Variants in RAP1A observed in about 807,000 individuals in gnomAD.
The protein encoded by RAP1A is RAP1A, member of RAS oncogene family.
Under a neutral mutation model 26.4 loss-of-function variants are expected in RAP1A, and 6 were observed. The ratio of observed to expected loss-of-function variants is 0.23; its 90% CI spans 0.12 to 0.45. The LOEUF is 0.45. Among genes scored for constraint, RAP1A ranks in the 20% least tolerant of loss-of-function variants. The pLI is 0.99. For missense variants in RAP1A, 121 were observed against 217.2 expected (o/e 0.56, Z 2.78); for synonymous variants, 73 against 79.4 (o/e 0.92, Z 0.43).
chr1:111,665,401 T>C (rs1660772470), intron 1 of RAP1A, among the ~76,000 whole-genome samples: 1 of 152,186 alleles, frequency 6.6e-6, no homozygotes, highest in Admixed American at 6.5e-5. Context: ...GATTCCAGAA[T>C]TGATAAACTT....
chr1:111,693,124 G>A (rs1430395427), intron 2 of RAP1A, among the ~76,000 whole-genome samples: 2 of 152,168 alleles, frequency 1.3e-5, no homozygotes, highest in East Asian at 1.9e-4. Flanking sequence ...AGAAGAAGGT[G>A]TCTTTACTTG....
chr1:111,546,879 T>C (rs1189033481), intron 1 of RAP1A, among the ~76,000 whole-genome samples: 1 of 152,220 alleles, frequency 6.6e-6, no homozygotes, highest in Non-Finnish European at 1.5e-5. Context: ...CCAGTTTACA[T>C]TCCTACTAGC....
intron 1 of RAP1A, among the ~76,000 whole-genome samples, chr1:111,677,206 A>T (rs1353458687): frequency 6.6e-6 from 1 of 152,220 alleles, no homozygotes; most frequent in Non-Finnish European, 1.5e-5. Flanking sequence ...CATTCCTTAC[A>T]TTCATTACTG....
At chr1:111,589,661 T>A (rs1264689587) in intron 1 of RAP1A, among the ~76,000 whole-genome samples, 1 of 152,220 alleles carries the variant, frequency 6.6e-6, no homozygotes, top group Non-Finnish European at 1.5e-5. Flanking sequence ...CTGATTCCTT[T>A]CAGAGAGATT....
At chr1:111,644,827 G>T (rs569886419) in intron 1 of RAP1A, among the ~76,000 whole-genome samples, 1 of 152,192 alleles carries the variant, frequency 6.6e-6, no homozygotes, top group East Asian at 1.9e-4. Flanking sequence ...TTGAAATTTT[G>T]GGGCCACATA....
At chr1:111,547,999 G>C (rs1271280613) in intron 1 of RAP1A, among the ~76,000 whole-genome samples, 2 of 152,130 alleles carry the variant, frequency 1.3e-5, no homozygotes, top group Admixed American at 6.6e-5. Context: ...GCTTTGACTG[G>C]ACCACTTTTT....
intron 1 of RAP1A, among the ~76,000 whole-genome samples, chr1:111,564,318 T>G (rs1448419145): frequency 6.6e-6 from 1 of 152,094 alleles, no homozygotes; most frequent in African/African-American, 2.4e-5. Flanking sequence ...CAATAAATAT[T>G]TATCAAGCAC....
intron 1 of RAP1A, among the ~76,000 whole-genome samples, chr1:111,606,604 G>A (rs1658784701): frequency 6.6e-6 from 1 of 152,148 alleles, no homozygotes; most frequent in African/African-American, 2.4e-5. Context: ...GCACCATACA[G>A]GGAGTCTGCA....
rs143627323 is a variant in RAP1A, at chr1:111,560,872, A to G, written c.-28+18363A>G. Among the ~76,000 whole-genome samples, 702 of 152,276 alleles carry G rather than the reference A, an allele frequency of 4.6e-3. 9 individuals are homozygous for G. Among genetic ancestry groups the G allele is most frequent in the Non-Finnish European group, 5.3e-3 (359 of 68,014 alleles). On this transcript the variant is annotated intron_variant, in intron 1 of 7. Coordinates refer to the RAP1A transcript ENST00000356415. ...CTCTCCATCCTCCCAAATCCTTGCC[A>G]GGCCTTTCCTCTTGCTTCAGGACCT...
At chr1:111,609,180 T>G (rs1251893358) in intron 1 of RAP1A, among the ~76,000 whole-genome samples, 1 of 152,180 alleles carries the variant, frequency 6.6e-6, no homozygotes, top group African/African-American at 2.4e-5. Context: ...TTCAGATGTC[T>G]GTCAACGATG....
At chr1:111,696,093 A>C (rs1661819182) in intron 3 of RAP1A, among the ~76,000 whole-genome samples, 1 of 152,138 alleles carries the variant, frequency 6.6e-6, no homozygotes, top group Admixed American at 6.6e-5. Flanking sequence ...GCTCTAATAA[A>C]GTCTATTTAA....
Position 111,712,824 on chromosome 1 carries a change from T to G in RAP1A, c.*423T>G, listed in dbSNP as rs1387684911. ...ACTTTATATCTGTAATGATACTGAT[T>G]ATGAAATGTCCCCTCAAACTCATTG... On this transcript the variant is annotated 3_prime_UTR_variant, in exon 8 of 8. Transcript: ENST00000369709. The G allele has an allele frequency of 2.6e-5, 4 of 152,532 alleles. No homozygotes were observed. The highest frequency in any genetic ancestry group is 6.5e-5 in the Admixed American group (1 of 15,282). 9.4% of individuals were successfully genotyped at this position (152,532 alleles called of 1,614,324 possible).
intron 1 of RAP1A, among the ~76,000 whole-genome samples, chr1:111,634,611 ATG>A (rs1659671231): frequency 6.7e-6 from 1 of 149,616 alleles, no homozygotes; most frequent in South Asian, 2.1e-4. Context: ...ATATATATAT[ATG>A]TATGTATGTA....
intron 1 of RAP1A, among the ~76,000 whole-genome samples, chr1:111,575,217 C>T (rs1169432174): frequency 7.9e-5 from 12 of 151,998 alleles, no homozygotes; most frequent in South Asian, 4.2e-4. Context: ...GGCATGATCA[C>T]GGCTCACTGC....
intron 1 of RAP1A, among the ~76,000 whole-genome samples, chr1:111,683,765 T>A (rs1408940230): frequency 6.6e-6 from 1 of 152,218 alleles, no homozygotes; most frequent in Non-Finnish European, 1.5e-5. Context: ...CTTCTGAAAC[T>A]ATTCCAAACA....
At chr1:111,647,521 T>C (rs947587298) in intron 1 of RAP1A, among the ~76,000 whole-genome samples, 1 of 152,210 alleles carries the variant, frequency 6.6e-6, no homozygotes, top group Non-Finnish European at 1.5e-5. Flanking sequence ...AGGTTGGGGA[T>C]CGCTGCCTTA....
rs530283875 is a variant in RAP1A, at chr1:111,635,169, T to C, written c.-28+15235T>C. The stretch of plus-strand genomic sequence containing the variant: ...AAATTAAGTTGCCATTTTCTGGGCA[T>C]GGGGATGGGAGAAATAGGAAAGATT... On this transcript the variant is annotated intron_variant, in intron 1 of 7. Coordinates refer to ENST00000369709, the MANE Select transcript of RAP1A (RefSeq NM_002884.4). 3.3e-5 allele frequency among the ~76,000 whole-genome samples: 5 copies of C among 152,304 alleles called. No individual in the cohort carries two copies. The South Asian group carries it at 8.3e-4, about 25-fold the overall frequency.
At chr1:111,574,849 C>A (rs1251443021) in intron 1 of RAP1A, among the ~76,000 whole-genome samples, 1 of 152,214 alleles carries the variant, frequency 6.6e-6, no homozygotes, top group East Asian at 1.9e-4. Flanking sequence ...CTCTGCTATA[C>A]TGTTTTTTTG....
At chr1:111,602,860 A>G (rs1658698339) in intron 1 of RAP1A, among the ~76,000 whole-genome samples, 1 of 152,182 alleles carries the variant, frequency 6.6e-6, no homozygotes, top group African/African-American at 2.4e-5. Flanking sequence ...CCTAACACCC[A>G]AGGGGGCAGG....
Sources: allele counts gnomAD v4.1 joint callset (sites outside exome capture counted in the v4.1 genomes callset), GRCh38; gene constraint gnomAD v4.1.1; transcripts MANE v1.5; gene names NCBI Gene and HGNC (gene_info 2026-07-23, HGNC 2026-07-21).